TENM3: variants seen among roughly 807,000 people sequenced by gnomAD.
TENM3 encodes the protein teneurin transmembrane protein 3, also known as teneurin-3.
Under a neutral mutation model 255.1 loss-of-function variants are expected in TENM3, and 63 were observed. That is an observed-to-expected ratio of 0.25 (90% CI 0.20 to 0.30). TENM3 has a LOEUF of 0.30. Among genes scored for constraint, TENM3 ranks in the 10% least tolerant of loss-of-function variants. The pLI is 1.00. For missense variants in TENM3, 2,929 were observed against 3,461.1 expected, an observed-to-expected ratio of 0.85 and a Z score of 3.86; for synonymous variants, 1,306 against 1,322.3, an observed-to-expected ratio of 0.99 and a Z score of 0.27.
At chr4:182,307,407 G>A (rs1177672705) in intron 1 of TENM3, among the ~76,000 whole-genome samples, 1 of 152,254 alleles carries the variant, frequency 6.6e-6, no homozygotes, top group South Asian at 2.1e-4. Context: ...TACACCTCCT[G>A]GTTGCAGAAG....
the TENM3 span, among the ~76,000 whole-genome samples, chr4:181,520,877 G>A: frequency 6.6e-6 from 1 of 152,126 alleles, no homozygotes; most frequent in Non-Finnish European, 1.5e-5. Flanking sequence ...TAATCATGTG[G>A]CATAAATTAA....
At chr4:181,821,174 T>A in the TENM3 span, among the ~76,000 whole-genome samples, 1 of 152,200 alleles carries the variant, frequency 6.6e-6, no homozygotes, top group East Asian at 1.9e-4. Context: ...CCCTCTGGTC[T>A]TTGCACACAT....
chr4:181,739,089 C>A, the TENM3 span, among the ~76,000 whole-genome samples: 42 of 152,146 alleles, frequency 2.8e-4, no homozygotes, highest in African/African-American at 9.9e-4. Context: ...CATTGTATTG[C>A]CCACTGCATA....
the TENM3 span, among the ~76,000 whole-genome samples, chr4:181,958,393 C>G: frequency 6.6e-6 from 1 of 152,068 alleles, no homozygotes; most frequent in Non-Finnish European, 1.5e-5. Context: ...TTCTAGTTGC[C>G]TGATAGTTTG....
the TENM3 span, among the ~76,000 whole-genome samples, chr4:182,019,967 G>A: frequency 0.17 from 25,191 of 152,060 alleles, 2,315 homozygotes; most frequent in Non-Finnish European, 0.22. Context: ...GAGCCACTGT[G>A]CCTAGCTGGG....
rs1444284850 is a variant in TENM3, at chr4:182,615,635, G to C, written c.750-13016G>C. Among the ~76,000 whole-genome samples, 9 of 151,712 alleles carry C rather than the reference G, an allele frequency of 5.9e-5. No individual in the cohort carries two copies. In the East Asian group the frequency reaches 1.7e-3, roughly 29 times the overall value. ...TACACACGGTAGATACTTAAAAGTAGCAATGACATTAGCGTAAGGGAACTG... is the reference window on the plus strand; with the variant it reads ...TACACACGGTAGATACTTAAAAGTACCAATGACATTAGCGTAAGGGAACTG... On this transcript the variant is annotated intron_variant, in intron 4 of 27. Coordinates refer to ENST00000511685, the MANE Select transcript of TENM3 (RefSeq NM_001080477.4).
intron 2 of TENM3, among the ~76,000 whole-genome samples, chr4:182,343,656 CT>C (rs2150643034): frequency 6.6e-6 from 1 of 151,714 alleles, no homozygotes; most frequent in Admixed American, 6.6e-5. Flanking sequence ...TCCCGCCCTC[CT>C]CCACACCGCT....
chr4:182,421,557 A>C (rs1456801446), intron 3 of TENM3, among the ~76,000 whole-genome samples: 1 of 152,158 alleles, frequency 6.6e-6, no homozygotes, highest in Non-Finnish European at 1.5e-5. Flanking sequence ...TCTGTTAGTA[A>C]ATGTTTAGCC....
the TENM3 span, among the ~76,000 whole-genome samples, chr4:181,449,971 TC>T: frequency 6.6e-6 from 1 of 152,192 alleles, no homozygotes; most frequent in Non-Finnish European, 1.5e-5. Context: ...TATGGTACAT[TC>T]TTAGTTAAAT....
At chr4:182,568,301 G>A (rs908823733) in intron 3 of TENM3, among the ~76,000 whole-genome samples, 2 of 152,162 alleles carry the variant, frequency 1.3e-5, no homozygotes, top group African/African-American at 4.8e-5. Flanking sequence ...TGGAAGGCAA[G>A]GATCCAGGGA....
chr4:182,682,396 C>T (rs1579101120), intron 11 of TENM3, among the ~76,000 whole-genome samples: 2 of 152,160 alleles, frequency 1.3e-5, no homozygotes, highest in African/African-American at 2.4e-5. Flanking sequence ...AATCATTTGA[C>T]AATATAAGGC....
intron 3 of TENM3, among the ~76,000 whole-genome samples, chr4:182,539,173 G>A (rs1740622579): frequency 6.6e-6 from 1 of 151,042 alleles, no homozygotes; most frequent in African/African-American, 2.4e-5. Context: ...GACTGAGAAG[G>A]TACAAGCAGA....
At chr4:182,509,419 TCAC>T (rs931100994) in intron 3 of TENM3, among the ~76,000 whole-genome samples, 2 of 152,198 alleles carry the variant, frequency 1.3e-5, no homozygotes, top group African/African-American at 4.8e-5. Flanking sequence ...TTTTCATTCT[TCAC>T]TCTCTCTTGC....
chr4:181,719,504 G>T, the TENM3 span, among the ~76,000 whole-genome samples: 1 of 152,148 alleles, frequency 6.6e-6, no homozygotes, highest in African/African-American at 2.4e-5. Flanking sequence ...CTTCCTCATA[G>T]GCTGTGCTGA....
In TENM3 at chr4:182,608,011, G is replaced by C. The variant is rs181914745; in HGVS notation, c.749+6850G>C. On this transcript the variant is annotated intron_variant, in intron 4 of 27. Coordinates refer to ENST00000511685, the MANE Select transcript of TENM3 (RefSeq NM_001080477.4). Reference sequence around the variant, plus strand: ...TAAGCCATTATCTTCATCTGAAAATGACCTGTCATTCTCAAGCACTTCTCT... The same window carrying C: ...TAAGCCATTATCTTCATCTGAAAATCACCTGTCATTCTCAAGCACTTCTCT... 1.4e-4 allele frequency among the ~76,000 whole-genome samples: 22 copies of C among 152,282 alleles called. 1 individual carries two copies. In the East Asian group the frequency reaches 2.9e-3, roughly 20 times the overall value.
At chr4:181,811,140 A>T in the TENM3 span, among the ~76,000 whole-genome samples, 3 of 152,212 alleles carry the variant, frequency 2.0e-5, no homozygotes, top group African/African-American at 7.2e-5. Flanking sequence ...TCCTATAAGC[A>T]TATGAATATG....
chr4:181,637,760 T>C, the TENM3 span, among the ~76,000 whole-genome samples: 1 of 152,268 alleles, frequency 6.6e-6, no homozygotes, highest in East Asian at 1.9e-4. Flanking sequence ...TTGTACTCAT[T>C]TATTGTTTTG....
At chr4:181,448,954 T>G in the TENM3 span, among the ~76,000 whole-genome samples, 4 of 152,198 alleles carry the variant, frequency 2.6e-5, no homozygotes, top group Non-Finnish European at 4.4e-5. Flanking sequence ...CCATATACCC[T>G]CTGAGTGTTC....
chr4:181,857,392 A>G, the TENM3 span, among the ~76,000 whole-genome samples: 3 of 151,826 alleles, frequency 2.0e-5, no homozygotes, highest in Non-Finnish European at 2.9e-5. Context: ...ATGAGATCTG[A>G]GCAAAGGGCC....
Sources: gnomAD v4.1 joint callset for allele counts (sites outside exome capture counted in the v4.1 genomes callset) on GRCh38, gnomAD v4.1.1 for gene constraint, MANE v1.5 for transcripts, NCBI Gene and HGNC (gene_info 2026-07-23, HGNC 2026-07-21) for gene names.